PXT1: variants seen among roughly 807,000 people sequenced by gnomAD.
PXT1 encodes the protein peroxisomal testis-specific protein 1.
PXT1 carries 11 observed loss-of-function variants against 11.0 expected under a neutral mutation model. The ratio of observed to expected loss-of-function variants is 1.00; its 90% CI spans 0.63 to 1.66. The LOEUF is 1.66. Ranked by LOEUF, PXT1 falls within the 40% of genes most tolerant of loss-of-function variation. The pLI, the probability that PXT1 is intolerant of heterozygous loss-of-function variation, is 0.00. For missense variants in PXT1, 141 were observed against 155.5 expected (o/e 0.91, Z 0.49); for synonymous variants, 43 against 51.4 (o/e 0.84, Z 0.70).
intron 3 of PXT1, among the ~76,000 whole-genome samples, chr6:36,413,470 C>T (rs909273070): frequency 4.6e-5 from 7 of 151,502 alleles, no homozygotes; most frequent in Non-Finnish European, 5.9e-5. Flanking sequence ...CAGCAAATGG[C>T]GAAATAAAAA....
In PXT1 at chr6:36,411,886, T is replaced by C. The variant is rs578230597; in HGVS notation, c.170-11302A>G. ...TCATTTGAGCCCAAGATGTTGAGGCTGCACTGAGCCAAGATCTTGCCACTG... is the reference window on the plus strand; with the variant it reads ...TCATTTGAGCCCAAGATGTTGAGGCCGCACTGAGCCAAGATCTTGCCACTG... On this transcript the variant is annotated intron_variant, in intron 3 of 4. Coordinates refer to ENST00000454782, the MANE Select transcript of PXT1 (RefSeq NM_152990.4). Among the ~76,000 whole-genome samples, 5 of 152,194 alleles carry C rather than the reference T, an allele frequency of 3.3e-5. No homozygotes were observed. In the East Asian group the frequency reaches 9.7e-4, roughly 29 times the overall value.
chr6:36,408,296 A>T (rs1306358782), intron 3 of PXT1, among the ~76,000 whole-genome samples: 6 of 134,588 alleles, frequency 4.5e-5, no homozygotes, highest in African/African-American at 1.1e-4. Flanking sequence ...GTCTCTCTCT[A>T]TTGCCTCTCT....
intron 3 of PXT1, among the ~76,000 whole-genome samples, chr6:36,424,007 GTGAA>G: frequency 6.6e-6 from 1 of 152,318 alleles, no homozygotes; most frequent in South Asian, 2.1e-4. Context: ...TTCTTTTGAA[GTGAA>G]ACTGTAATTA....
At chr6:36,436,113 CAAAA>C (rs11294829) in intron 2 of PXT1, among the ~76,000 whole-genome samples, 77 of 60,094 alleles carry the variant, frequency 1.3e-3, no homozygotes, top group African/African-American at 4.4e-3. Context: ...AAAAGTAAGC[CAAAA>C]AAAAAAAAAA....
intron 3 of PXT1, among the ~76,000 whole-genome samples, chr6:36,408,254 G>A (rs964101717): frequency 2.7e-5 from 4 of 147,816 alleles, no homozygotes; most frequent in Admixed American, 6.8e-5. Context: ...GAGCCACCAC[G>A]CCCAGCCTTT....
intron 4 of PXT1, among the ~76,000 whole-genome samples, chr6:36,398,857 G>A (rs1210683765): frequency 1.3e-5 from 2 of 152,104 alleles, no homozygotes; most frequent in African/African-American, 2.4e-5. Flanking sequence ...CCATCAGTCA[G>A]TGTGCCCTGA....
At chr6:36,422,031 TAC>T (rs747735637) in intron 3 of PXT1, among the ~76,000 whole-genome samples, 310 of 152,352 alleles carry the variant, frequency 2.0e-3, no homozygotes, top group African/African-American at 7.0e-3. Flanking sequence ...TACGATTTGT[TAC>T]AGTCATTGTA....
chr6:36,397,045 G>A (rs1169898755), intron 4 of PXT1, among the ~76,000 whole-genome samples: 2 of 152,202 alleles, frequency 1.3e-5, no homozygotes, highest in African/African-American at 4.8e-5. Context: ...TGCCTACAGA[G>A]AGGAGCTACC....
intron 3 of PXT1, among the ~76,000 whole-genome samples, chr6:36,401,285 C>T (rs1248503464): frequency 1.3e-5 from 2 of 151,978 alleles, no homozygotes; most frequent in Non-Finnish European, 2.9e-5. Flanking sequence ...TAGATGCTAA[C>T]TTTTCACTGG....
At chr6:36,426,216 T>C in intron 2 of PXT1, 125 bp from the exon 3 acceptor site, 3 of 640,268 alleles carry the variant, frequency 4.7e-6, no homozygotes, top group East Asian at 3.0e-5. Flanking sequence ...AGTTATGGAT[T>C]GGGGTAGAAG....
chr6:36,392,590 A>G (rs1487536367), intron 4 of PXT1, among the ~76,000 whole-genome samples: 1 of 152,120 alleles, frequency 6.6e-6, no homozygotes, highest in African/African-American at 2.4e-5. Flanking sequence ...GAGCCTGGGA[A>G]GTTGAGGCTG....
rs192401554 is a variant in PXT1 at position 36,401,397 on chromosome 6, G to T, written c.170-813C>A. Among the ~76,000 whole-genome samples, 99 of 152,196 alleles carry T rather than the reference G, an allele frequency of 6.5e-4. 1 individual carries two copies. Among genetic ancestry groups the T allele is most frequent in the Admixed American group, 4.8e-3 (74 of 15,274 alleles). ...ATCTATAATCCCAAAACTTTGGGAG[G>T]CCAAACTGGGAGGATCACTTGAGCC... On this transcript the variant is annotated intron_variant, in intron 3 of 4. Coordinates refer to ENST00000454782, the MANE Select transcript of PXT1 (RefSeq NM_152990.4).
chr6:36,391,234 C>A lies in PXT1; in HGVS notation c.*536G>T, dbSNP rs879741688. ...TTGAGTATTAGAGACAAATGTTTCA[C>A]TTCGATTTTCCAGAGAGGGTTGGAG... On this transcript the variant is annotated 3_prime_UTR_variant, in exon 5 of 5. Transcript: ENST00000454782. 6.5e-6 allele frequency: 1 copy of A among 153,518 alleles called. No homozygotes were observed. Among genetic ancestry groups the A allele is most frequent in the Non-Finnish European group, 1.4e-5 (1 of 69,224 alleles). The allele number at this position is 153,518 out of a possible 1,614,324, so 9.5% of individuals were successfully genotyped here.
At chr6:36,396,866 G>C (rs547322294) in intron 4 of PXT1, among the ~76,000 whole-genome samples, 9 of 152,232 alleles carry the variant, frequency 5.9e-5, no homozygotes, top group Middle Eastern at 3.4e-3. Context: ...GAGAGGAACT[G>C]CCCTCTCTGC....
chr6:36,432,374 C>T (rs1275372358), intron 2 of PXT1, among the ~76,000 whole-genome samples: 1 of 152,170 alleles, frequency 6.6e-6, no homozygotes, highest in East Asian at 1.9e-4. Flanking sequence ...TTCCCCATGC[C>T]ACTCTCAAAA....
chr6:36,417,704 G>C (rs1381913181), intron 3 of PXT1, among the ~76,000 whole-genome samples: 1 of 149,644 alleles, frequency 6.7e-6, no homozygotes, highest in Non-Finnish European at 1.5e-5. Flanking sequence ...GGAGGTCAAG[G>C]CTGCAGTGAG....
At chr6:36,396,216 G>T (rs1774142333) in intron 4 of PXT1, among the ~76,000 whole-genome samples, 1 of 152,206 alleles carries the variant, frequency 6.6e-6, no homozygotes, top group South Asian at 2.1e-4. Flanking sequence ...GCCAATGATG[G>T]CAATGGCTGC....
chr6:36,422,296 T>C (rs1203063527), intron 3 of PXT1, among the ~76,000 whole-genome samples: 3 of 152,048 alleles, frequency 2.0e-5, no homozygotes, highest in Non-Finnish European at 4.4e-5. Flanking sequence ...TGGGCAGTAA[T>C]TGGAAGGGGA....
chr6:36,397,101 T>A (rs572616924), intron 4 of PXT1, among the ~76,000 whole-genome samples: 2 of 152,346 alleles, frequency 1.3e-5, no homozygotes, highest in South Asian at 4.1e-4. Context: ...ATAAAGCTCA[T>A]CTTTGTCTTG....
Sources: gnomAD v4.1 joint callset for allele counts (sites outside exome capture counted in the v4.1 genomes callset) on GRCh38, gnomAD v4.1.1 for gene constraint, MANE v1.5 for transcripts, NCBI Gene and HGNC (gene_info 2026-07-23, HGNC 2026-07-21) for gene names.